CDKAL1: variants seen among roughly 807,000 people sequenced by gnomAD.
CDKAL1 encodes CDKAL1 threonylcarbamoyladenosine tRNA methylthiotransferase.
Under a neutral mutation model 68.2 loss-of-function variants are expected in CDKAL1, and 32 were observed. The observed-to-expected ratio is 0.47, with a 90% CI of 0.35 to 0.63. CDKAL1 has a LOEUF of 0.63. Ranked by LOEUF, CDKAL1 falls within the 30% of genes least tolerant of loss-of-function variation. The probability of loss-of-function intolerance (pLI) is 0.00; values close to 1 mark genes in which losing one functional copy is unlikely to be tolerated. For synonymous variants in CDKAL1, 234 were observed against 244.3 expected (o/e 0.96, Z 0.39); for missense variants, 606 against 696.7 (o/e 0.87, Z 1.47).
At chr6:21,188,562 T>C (rs1349915641) in intron 13 of CDKAL1, among the ~76,000 whole-genome samples, 1 of 152,204 alleles carries the variant, frequency 6.6e-6, no homozygotes. Flanking sequence ...AGTTCTACAC[T>C]TATATCCAGT....
At chr6:21,212,567 A>G (rs774861208) in intron 15 of CDKAL1, among the ~76,000 whole-genome samples, 30 of 152,144 alleles carry the variant, frequency 2.0e-4, no homozygotes, top group African/African-American at 4.8e-5. Context: ...TATCTCTCCT[A>G]TGAGACTCAG....
intron 4 of CDKAL1, among the ~76,000 whole-genome samples, chr6:20,638,817 A>G (rs1031532614): frequency 3.0e-4 from 45 of 151,998 alleles, no homozygotes; most frequent in African/African-American, 1.1e-3. Context: ...TATTTTTAGT[A>G]GAGACGGGGT....
chr6:20,602,968 G>T (rs891079955), intron 4 of CDKAL1, among the ~76,000 whole-genome samples: 1 of 152,172 alleles, frequency 6.6e-6, no homozygotes, highest in South Asian at 2.1e-4. Context: ...CTCTAGTCCT[G>T]TCATACTGAT....
intron 11 of CDKAL1, among the ~76,000 whole-genome samples, chr6:21,032,231 T>C (rs866935405): frequency 2.6e-5 from 4 of 152,094 alleles, no homozygotes; most frequent in African/African-American, 4.8e-5. Context: ...TGTATTTGTA[T>C]TGAATGTTGA....
chr6:20,586,160 C>A (rs1052546066), intron 4 of CDKAL1, among the ~76,000 whole-genome samples: 26 of 152,146 alleles, frequency 1.7e-4, no homozygotes, highest in African/African-American at 6.3e-4. Context: ...CTTAGGCTAC[C>A]ACTGTGGTCT....
intron 6 of CDKAL1, 124 bp downstream of exon 6, chr6:20,739,739 A>G: frequency 1.9e-6 from 1 of 516,778 alleles, no homozygotes. Flanking sequence ...TGTCCTAAAC[A>G]TATTTTCCTT....
At chr6:20,845,019 T>G (rs186149331) in intron 8 of CDKAL1, among the ~76,000 whole-genome samples, 75 of 152,354 alleles carry the variant, frequency 4.9e-4, no homozygotes, top group African/African-American at 1.7e-3. Flanking sequence ...GTTACTTTAC[T>G]TAAGGATCCC....
intron 13 of CDKAL1, among the ~76,000 whole-genome samples, chr6:21,173,088 GT>G (rs1363395772): frequency 4.8e-5 from 6 of 125,902 alleles, no homozygotes; most frequent in Non-Finnish European, 1.0e-4. Context: ...ATTTCATTTT[GT>G]TTTTGTGAGG....
At chr6:20,608,837 A>G (rs934229834) in intron 4 of CDKAL1, among the ~76,000 whole-genome samples, 2 of 152,208 alleles carry the variant, frequency 1.3e-5, no homozygotes, top group Non-Finnish European at 2.9e-5. Context: ...TTTGCATGAT[A>G]TGCTTTGTTT....
At chr6:20,609,401 C>CTTCTTCTTCTTTT (rs1554162718) in intron 4 of CDKAL1, among the ~76,000 whole-genome samples, 6 of 49,780 alleles carry the variant, frequency 1.2e-4, no homozygotes, top group African/African-American at 4.9e-4. Flanking sequence ...TCTTCTTCTT[C>CTTCTTCTTCTTTT]TTTTTTTTTT....
intron 9 of CDKAL1, among the ~76,000 whole-genome samples, chr6:20,850,693 C>T (rs1228549891): frequency 2.0e-5 from 3 of 152,108 alleles, no homozygotes; most frequent in Non-Finnish European, 2.9e-5. Flanking sequence ...CCACCTTTGC[C>T]TCCCAAAGTG....
chr6:21,139,868 CATT>C (rs1453646100), intron 13 of CDKAL1, among the ~76,000 whole-genome samples: 2 of 152,208 alleles, frequency 1.3e-5, no homozygotes, highest in Non-Finnish European at 2.9e-5. Flanking sequence ...ATGAAAATCT[CATT>C]AATAATGAAG....
At chr6:21,110,344 T>G (rs1003096077) in intron 13 of CDKAL1, among the ~76,000 whole-genome samples, 1 of 152,210 alleles carries the variant, frequency 6.6e-6, no homozygotes, top group Non-Finnish European at 1.5e-5. Flanking sequence ...TCTCACTGAT[T>G]GGAATGTCCA....
chr6:20,724,588 G>A (rs1209442057), intron 5 of CDKAL1, among the ~76,000 whole-genome samples: 1 of 152,030 alleles, frequency 6.6e-6, no homozygotes, highest in Non-Finnish European at 1.5e-5. Context: ...GTGGAGGTGC[G>A]TGCCTGTAGT....
chr6:21,104,144 C>T lies in CDKAL1; in HGVS notation c.1237-4257C>T, dbSNP rs146629247. Among the ~76,000 whole-genome samples the T allele has an allele frequency of 6.2e-4, 94 of 152,302 alleles. 1 individual carries two copies. Among genetic ancestry groups the T allele is most frequent in the African/African-American group, 2.1e-3 (86 of 41,560 alleles). The stretch of plus-strand genomic sequence containing the variant: ...TCAGCAGTTACAGTGTGAATACAGA[C>T]GGCTCTGAAAGCCCCATATCTATTT... On this transcript the variant is annotated intron_variant, in intron 12 of 15. Coordinates refer to ENST00000274695, the MANE Select transcript of CDKAL1 (RefSeq NM_017774.3).
chr6:21,168,158 C>T (rs986699637), intron 13 of CDKAL1, among the ~76,000 whole-genome samples: 40 of 152,176 alleles, frequency 2.6e-4, no homozygotes, highest in African/African-American at 8.9e-4. Context: ...TCAAGATAAT[C>T]AAGTTGAAGT....
chr6:20,684,927 A>G (rs992904811), intron 5 of CDKAL1, among the ~76,000 whole-genome samples: 2 of 152,216 alleles, frequency 1.3e-5, no homozygotes, highest in African/African-American at 4.8e-5. Flanking sequence ...TTTATCAGAC[A>G]TATCTTTTGC....
intron 9 of CDKAL1, among the ~76,000 whole-genome samples, chr6:20,851,553 G>C (rs2150505204): frequency 6.6e-6 from 1 of 152,076 alleles, no homozygotes; most frequent in East Asian, 1.9e-4. Flanking sequence ...TCTCATTTGT[G>C]GGTTACTACT....
intron 4 of CDKAL1, among the ~76,000 whole-genome samples, chr6:20,571,856 A>T (rs939932247): frequency 3.3e-5 from 5 of 152,080 alleles, no homozygotes; most frequent in African/African-American, 1.2e-4. Flanking sequence ...ATGTAATTTT[A>T]AAAAAAATTT....
Sources: allele counts gnomAD v4.1 joint callset (sites outside exome capture counted in the v4.1 genomes callset), GRCh38; gene constraint gnomAD v4.1.1; transcripts MANE v1.5; gene names NCBI Gene and HGNC (gene_info 2026-07-23, HGNC 2026-07-21).